BCORL1: variants seen among roughly 807,000 people sequenced by gnomAD.
BCORL1 encodes the protein BCL6 corepressor like 1.
BCORL1 carries 7 observed loss-of-function variants against 87.6 expected under a neutral mutation model. The observed-to-expected ratio is 0.08, with a 90% CI of 0.05 to 0.15. The LOEUF is 0.15. BCORL1 is among the 10% of genes least tolerant of loss of function. BCORL1 has a pLI of 1.00. For missense variants in BCORL1, 1,215 were observed against 1,499.7 expected, an observed-to-expected ratio of 0.81 and a Z score of 3.13; for synonymous variants, 591 against 634.4, an observed-to-expected ratio of 0.93 and a Z score of 1.03.
intron 1 of BCORL1, among the ~76,000 whole-genome samples, chrX:129,997,163 C>T (rs1320694559): frequency 9.0e-6 from 1 of 111,154 alleles, no homozygotes; most frequent in Non-Finnish European, 1.9e-5. Context: ...TGCCTATCCT[C>T]TATTACTAAC....
chrX:129,999,773 C>G (rs1004488463), intron 1 of BCORL1, among the ~76,000 whole-genome samples: 2 of 109,385 alleles, frequency 1.8e-5, no homozygotes, highest in Admixed American at 9.9e-5. Flanking sequence ...CTCCCGGGTT[C>G]AAGCAATTTT....
rs898498671 is a variant in BCORL1, at chrX:130,031,610, C to T, written c.4305+2749C>T. ...ACCAGCCTGGGCAACATGGTGAAAC[C>T]CCGTCTGTACTAAAAGTACAAAAAT... On this transcript the variant is annotated intron_variant, in intron 8 of 13. Coordinates refer to ENST00000540052, the MANE Select transcript of BCORL1 (RefSeq NM_001379451.1). Among the ~76,000 whole-genome samples the T allele has an allele frequency of 9.0e-5, 10 of 111,462 alleles. No individual in the cohort carries two copies. The Admixed American group carries it at 9.6e-4, about 11-fold the overall frequency.
intron 11 of BCORL1, among the ~76,000 whole-genome samples, chrX:130,044,389 G>A (rs1001357104): frequency 2.7e-5 from 3 of 111,359 alleles, no homozygotes; most frequent in African/African-American, 9.8e-5. Flanking sequence ...CATTTTTGGC[G>A]GGAGGAAAAG....
chrX:129,994,069 A>T (rs1432835461), intron 1 of BCORL1, among the ~76,000 whole-genome samples: 1 of 112,862 alleles, frequency 8.9e-6, no homozygotes, highest in Non-Finnish European at 1.9e-5. Flanking sequence ...TACAGGCGTG[A>T]GCCACCATGT....
intron 1 of BCORL1, among the ~76,000 whole-genome samples, chrX:129,995,036 C>T (rs767515190): frequency 9.1e-6 from 1 of 110,213 alleles, no homozygotes; most frequent in Admixed American, 9.7e-5. Flanking sequence ...GACAGAGTCT[C>T]GCTCTGTTGC....
intron 2 of BCORL1, among the ~76,000 whole-genome samples, chrX:130,010,153 G>A (rs1429691441): frequency 9.0e-6 from 1 of 111,115 alleles, no homozygotes; most frequent in Non-Finnish European, 1.9e-5. Context: ...ATTTCAGGCA[G>A]GGTGGGAGCT....
chrX:129,981,000 G>C (rs1926060248), upstream of BCORL1: 1 of 110,336 alleles, frequency 9.1e-6, no homozygotes, highest in South Asian at 3.8e-4. Flanking sequence ...GCCGCGAGCG[G>C]AGGGAGGGAG....
chrX:130,055,424 CAGG>C (rs1221009090), intron 13 of BCORL1, among the ~76,000 whole-genome samples: 1 of 112,778 alleles, frequency 8.9e-6, no homozygotes, highest in Non-Finnish European at 1.9e-5. Flanking sequence ...AGAGTAAGAA[CAGG>C]AGAAGGGAAG....
At position 130,025,196 on chromosome X, in the gene BCORL1, C is replaced by T; in HGVS notation, c.3895C>T (p.Arg1299Ter). 8.3e-7 allele frequency: 1 copy of T among 1,211,299 alleles called. No homozygotes were observed. The highest frequency in any genetic ancestry group is 1.1e-6 in the Non-Finnish European group (1 of 895,313). ...GGGCCGAAGGCACCTGTGGCGAGCC[C>T]GAGAAATGCCCTGGAGGACAGAGGC... ...SQGRRHLWRAREMPWRTEAAR... is the reference protein window; with the variant it reads ...SQGRRHLWRA Residue 1299 changes from arginine to a stop codon, truncating the protein, a stop_gained, in exon 7 of 14, where the codon CGA (arginine) becomes TGA (stop). Transcript: ENST00000540052. LOFTEE classifies it high-confidence loss of function.
rs1399071975 is a variant in BCORL1 at position 130,022,220 on chromosome X, TTTTC to T, written c.3608-661_3608-658del. Among the ~76,000 whole-genome samples the T allele has an allele frequency of 4.8e-5, 5 of 104,136 alleles. No individual in the cohort carries two copies. The East Asian group carries it at 1.1e-3, about 24-fold the overall frequency. 90.4% of individuals were successfully genotyped at this position (104,136 alleles called of 115,157 possible). A position where few individuals can be genotyped will look rare whatever the true frequency, so the allele number is the denominator to read the frequency against. On this transcript the variant is annotated intron_variant, in intron 5 of 13. Coordinates refer to ENST00000540052, the MANE Select transcript of BCORL1 (RefSeq NM_001379451.1). Reference sequence around the variant, plus strand: ...TCCAGCTCAGTTAGAACTTTGTTTATTTTCTTTCTTTCTTTCTTTTTTTTTTTTT... The same window carrying T: ...TCCAGCTCAGTTAGAACTTTGTTTATTTTCTTTCTTTCTTTTTTTTTTTTT...
intron 1 of BCORL1, among the ~76,000 whole-genome samples, chrX:129,997,293 C>T (rs1307723714): frequency 9.0e-6 from 1 of 111,172 alleles, no homozygotes; most frequent in South Asian, 3.8e-4. Context: ...TTCAGTTTGG[C>T]CCATGATGGT....
Position 130,056,305 on chromosome X carries a change from G to A in BCORL1, c.*169G>A. On this transcript the variant is annotated 3_prime_UTR_variant, in exon 14 of 14. Transcript: ENST00000540052. The stretch of plus-strand genomic sequence containing the variant: ...GCGACTGGACTGTTTTTGTTTTTTT[G>A]GTTACAATTAGTTCTCATCTCCCTG... The A allele has an allele frequency of 2.0e-6, 1 of 505,705 alleles. No homozygotes were observed. The highest frequency in any genetic ancestry group is 3.0e-6 in the Non-Finnish European group (1 of 329,176). The allele number at this position is 505,705 out of a possible 1,213,427, so 41.7% of individuals were successfully genotyped here.
chrX:130,016,529 A>G (rs1390701064), intron 4 of BCORL1, among the ~76,000 whole-genome samples: 2 of 111,642 alleles, frequency 1.8e-5, no homozygotes, highest in Admixed American at 1.9e-4. Context: ...GGTATTGGTG[A>G]GGGAAATCAA....
chrX:130,048,673 A>G (rs1037487165), intron 11 of BCORL1, among the ~76,000 whole-genome samples: 1 of 112,340 alleles, frequency 8.9e-6, no homozygotes, highest in African/African-American at 3.2e-5. Context: ...CATAGAACCC[A>G]AAGTTTACTA....
In BCORL1 at chrX:130,028,647, G is replaced by C. The variant is rs753405048; in HGVS notation, c.4091G>C (p.Arg1364Pro). Residue 1364 changes from arginine to proline, a missense_variant, in exon 8 of 14, where the codon CGT (arginine) becomes CCT (proline). Arg to Pro is a moderately radical substitution (Grantham distance 103). This residue lies in a region of BCORL1 where 166 missense variants were observed against 196.5 expected (regional missense o/e 0.84). Transcript: ENST00000540052. ...RRKGRADLKARKQKTSSSQSL... is the reference protein window; with the variant it reads ...RRKGRADLKAPKQKTSSSQSL... The stretch of plus-strand genomic sequence containing the variant: ...TTCTTGCCTTCAGATTTAAAGGCCC[G>C]TAAGCAGAAGACTTCCTCCTCCCAA... The C allele has an allele frequency of 2.5e-6, 3 of 1,208,741 alleles. No individual in the cohort carries two copies.
intron 10 of BCORL1, among the ~76,000 whole-genome samples, chrX:130,037,796 CAGG>C (rs1330731144): frequency 9.0e-6 from 1 of 111,631 alleles, no homozygotes; most frequent in Non-Finnish European, 1.9e-5. Context: ...GAGGCTGAGG[CAGG>C]AGAATTGCTT....
intron 1 of BCORL1, among the ~76,000 whole-genome samples, chrX:129,985,285 C>G (rs944742957): frequency 8.9e-6 from 1 of 111,780 alleles, no homozygotes; most frequent in Non-Finnish European, 1.9e-5. Context: ...AGGTTATTTA[C>G]TTTTCTGTTG....
intron 1 of BCORL1, among the ~76,000 whole-genome samples, chrX:129,999,859 A>G (rs1163383331): frequency 9.1e-6 from 1 of 109,373 alleles, no homozygotes; most frequent in Non-Finnish European, 1.9e-5. Context: ...TTTTTAGTAG[A>G]GATGGGGTTT....
At chrX:130,038,772 G>A (rs1051474321) in intron 10 of BCORL1, among the ~76,000 whole-genome samples, 2 of 111,569 alleles carry the variant, frequency 1.8e-5, no homozygotes, top group African/African-American at 3.3e-5. Flanking sequence ...GTGAGCCACC[G>A]CGCCCGGCTT....
Sources: gnomAD v4.1 joint callset for allele counts (sites outside exome capture counted in the v4.1 genomes callset) on GRCh38, gnomAD v4.1.1 for gene constraint, gnomAD v4.1.1 regional missense constraint, MANE v1.5 for transcripts, NCBI Gene and HGNC (gene_info 2026-07-23, HGNC 2026-07-21) for gene names.